The following ADARB2 variants were observed in gnomAD, a reference collection of about 807,000 sequenced individuals.
The protein encoded by ADARB2 is adenosine deaminase RNA specific B2 (inactive).
Under a neutral mutation model 62.2 loss-of-function variants are expected in ADARB2, and 25 were observed. The ratio of observed to expected loss-of-function variants is 0.40; its 90% CI spans 0.29 to 0.56. The LOEUF (loss-of-function observed/expected upper bound fraction) is 0.56. Ranked by LOEUF, ADARB2 falls within the 20% of genes least tolerant of loss-of-function variation. The probability of loss-of-function intolerance (pLI) is 0.43; values close to 1 mark genes in which losing one functional copy is unlikely to be tolerated. For missense variants in ADARB2, 1,071 were observed against 1,077.4 expected, an observed-to-expected ratio of 0.99 and a Z score of 0.08; for synonymous variants, 572 against 500.8, an observed-to-expected ratio of 1.14 and a Z score of -1.90.
chr10:1,207,941 C>A (rs921201827), intron 7 of ADARB2, among the ~76,000 whole-genome samples: 1 of 152,220 alleles, frequency 6.6e-6, no homozygotes, highest in African/African-American at 2.4e-5. Context: ...TCTAGCCTGG[C>A]TCCATAGAGC....
At chr10:1,245,943 C>T (rs1046574524) in intron 4 of ADARB2, among the ~76,000 whole-genome samples, 2 of 151,614 alleles carry the variant, frequency 1.3e-5, no homozygotes, top group Non-Finnish European at 2.9e-5. Context: ...AACTAGTTTA[C>T]AGTCACACCA....
intron 1 of ADARB2, among the ~76,000 whole-genome samples, chr10:1,611,219 C>G (rs1009900064): frequency 6.6e-6 from 1 of 152,148 alleles, no homozygotes; most frequent in African/African-American, 2.4e-5. Flanking sequence ...TTTGGAGGCG[C>G]GGAGTGAATG....
intron 8 of ADARB2, among the ~76,000 whole-genome samples, chr10:1,189,039 C>T (rs1276468935): frequency 6.6e-6 from 1 of 152,182 alleles, no homozygotes; most frequent in East Asian, 1.9e-4. Context: ...GCCATGGCCT[C>T]GTGCGCTTTC....
At chr10:1,604,719 C>T (rs538330883) in intron 1 of ADARB2, among the ~76,000 whole-genome samples, 2 of 152,338 alleles carry the variant, frequency 1.3e-5, no homozygotes, top group South Asian at 4.1e-4. Context: ...CTTGTCTCCT[C>T]TAAGCCTGTT....
intron 1 of ADARB2, among the ~76,000 whole-genome samples, chr10:1,512,537 A>G (rs1173342092): frequency 1.3e-5 from 2 of 152,246 alleles, no homozygotes; most frequent in African/African-American, 2.4e-5. Context: ...TGCATTTCCT[A>G]GATGAGAAGG....
chr10:1,265,693 CT>C (rs1831190635), intron 4 of ADARB2, among the ~76,000 whole-genome samples: 1 of 111,420 alleles, frequency 9.0e-6, no homozygotes, highest in Non-Finnish European at 1.8e-5. Flanking sequence ...GGCCCAGGCT[CT>C]CCCGGAAGAC....
In ADARB2 at chr10:1,195,075, G is replaced by A. The variant is rs534062293; in HGVS notation, c.1864+4891C>T. Reference sequence around the variant, plus strand: ...CCTTGAGCCCACCTTGGCCCTGGGAGGCAGGCCGACCCGCCCCCTTAGCCT... The same window carrying A: ...CCTTGAGCCCACCTTGGCCCTGGGAAGCAGGCCGACCCGCCCCCTTAGCCT... On this transcript the variant is annotated intron_variant, in intron 8 of 9. Coordinates refer to ENST00000381312, the MANE Select transcript of ADARB2 (RefSeq NM_018702.4). Among the ~76,000 whole-genome samples, 36 of 152,352 alleles carry A rather than the reference G, an allele frequency of 2.4e-4. No homozygotes were observed. In the South Asian group the frequency reaches 3.3e-3, roughly 14 times the overall value.
rs1832277886 is a variant in ADARB2 at position 1,363,231 on chromosome 10, A to G, written c.874T>C (p.Tyr292His). The G allele has an allele frequency of 7.1e-7, 1 of 1,406,830 alleles. No individual in the cohort carries two copies. The allele number at this position is 1,406,830 out of a possible 1,614,324, so 87.1% of individuals were successfully genotyped here. A position where few individuals can be genotyped will look rare whatever the true frequency, so the allele number is the denominator to read the frequency against. ...TCGGCCGGTTCTGCCAGACACACGT[A>G]GCGCAGCCCGGCGCGCAGGCGGTTC... ...LLNRLRAGLR[Y>H]VCLAEPAERR... Residue 292 changes from tyrosine to histidine, a missense_variant, in exon 3 of 10, where the codon TAC becomes CAC. By Grantham distance (83) the Tyr-to-His change is moderately conservative (BLOSUM62 2). Coordinates refer to ENST00000381312, the MANE Select transcript of ADARB2 (RefSeq NM_018702.4).
intron 1 of ADARB2, among the ~76,000 whole-genome samples, chr10:1,535,183 G>C (rs891737965): frequency 9.2e-5 from 14 of 152,306 alleles, no homozygotes; most frequent in African/African-American, 3.4e-4. Context: ...ACGGTCACGC[G>C]TGTGCTGGGA....
intron 1 of ADARB2, among the ~76,000 whole-genome samples, chr10:1,567,644 C>T: frequency 6.6e-6 from 1 of 152,182 alleles, no homozygotes; most frequent in Non-Finnish European, 1.5e-5. Context: ...TTAGCTCTGC[C>T]CAGGTGCCTC....
At chr10:1,735,767 T>C (rs890427368) in intron 1 of ADARB2, among the ~76,000 whole-genome samples, 1 of 152,182 alleles carries the variant, frequency 6.6e-6, no homozygotes, top group Non-Finnish European at 1.5e-5. Context: ...TTTGAGGAAG[T>C]TGTGGGGGCC....
intron 1 of ADARB2, among the ~76,000 whole-genome samples, chr10:1,703,676 A>G (rs934391178): frequency 5.9e-5 from 9 of 152,226 alleles, no homozygotes; most frequent in Non-Finnish European, 1.2e-4. Flanking sequence ...ATTTTGCCTG[A>G]ATCCTCAGAT....
At chr10:1,551,766 G>A (rs10794757) in intron 1 of ADARB2, among the ~76,000 whole-genome samples, 87,122 of 152,066 alleles carry the variant, frequency 0.57, 25,338 homozygotes, top group East Asian at 0.76. Flanking sequence ...GTCCAGCGAT[G>A]GCCAAATCGA....
At chr10:1,540,891 T>C (rs370391360) in intron 1 of ADARB2, among the ~76,000 whole-genome samples, 8 of 53,758 alleles carry the variant, frequency 1.5e-4, no homozygotes, top group African/African-American at 3.1e-4. Context: ...ATCACAGCCG[T>C]CCAGACCCCA....
At chr10:1,673,573 G>C (rs530445865) in intron 1 of ADARB2, among the ~76,000 whole-genome samples, 103 of 152,346 alleles carry the variant, frequency 6.8e-4, no homozygotes, top group Non-Finnish European at 1.2e-3. Context: ...TGAAGTAGCT[G>C]CGTGGGAGAC....
intron 3 of ADARB2, chr10:1,290,303 G>A (rs953591807): frequency 1.3e-5 from 2 of 152,272 alleles, no homozygotes; most frequent in African/African-American, 2.4e-5. Flanking sequence ...AGCAGAGAGT[G>A]GAGGCCTGCA....
At chr10:1,337,744 T>C (rs971610531) in intron 3 of ADARB2, among the ~76,000 whole-genome samples, 2 of 152,220 alleles carry the variant, frequency 1.3e-5, no homozygotes, top group Non-Finnish European at 2.9e-5. Flanking sequence ...GATTTTACTA[T>C]ATTGATTTTA....
chr10:1,627,415 C>T (rs1259217568), intron 1 of ADARB2, among the ~76,000 whole-genome samples: 1 of 152,114 alleles, frequency 6.6e-6, no homozygotes, highest in Admixed American at 6.5e-5. Context: ...TCTCTCTCAT[C>T]ACCTTCTTAC....
chr10:1,654,973 A>G (rs1315307661), intron 1 of ADARB2, among the ~76,000 whole-genome samples: 1 of 152,222 alleles, frequency 6.6e-6, no homozygotes, highest in African/African-American at 2.4e-5. Flanking sequence ...ATTCAGTTAC[A>G]AGGTGGAGCC....
Sources: allele counts gnomAD v4.1 joint callset (sites outside exome capture counted in the v4.1 genomes callset), GRCh38; gene constraint gnomAD v4.1.1; transcripts MANE v1.5; gene names NCBI Gene and HGNC (gene_info 2026-07-23, HGNC 2026-07-21).